Variants in DRD2 observed in about 807,000 individuals in gnomAD.
The protein encoded by DRD2 is dopamine receptor D2.
In DRD2, 8 loss-of-function variants were observed where a neutral mutation model predicts 38.0. That is an observed-to-expected ratio of 0.21 (90% CI 0.12 to 0.38). The LOEUF (loss-of-function observed/expected upper bound fraction) is 0.38. DRD2 is among the 10% of genes least tolerant of loss of function. The pLI is 1.00. For missense variants in DRD2, 403 were observed against 607.7 expected, an observed-to-expected ratio of 0.66 and a Z score of 3.54; for synonymous variants, 230 against 238.6, an observed-to-expected ratio of 0.96 and a Z score of 0.33.
At chr11:113,449,629 C>T (rs1565674138) in intron 1 of DRD2, among the ~76,000 whole-genome samples, 1 of 152,034 alleles carries the variant, frequency 6.6e-6, no homozygotes, top group African/African-American at 2.4e-5. Context: ...AGCAGAGTGA[C>T]GGCCATAACA....
At chr11:113,452,465 T>TGCGCGC (rs1160837850) in intron 1 of DRD2, among the ~76,000 whole-genome samples, 8 of 89,512 alleles carry the variant, frequency 8.9e-5, no homozygotes, top group African/African-American at 3.1e-4. Context: ...TGTGTGTGTG[T>TGCGCGC]GTGTGCGCGC....
intron 1 of DRD2, among the ~76,000 whole-genome samples, chr11:113,445,108 G>T (rs1333022404): frequency 6.6e-6 from 1 of 152,132 alleles, no homozygotes; most frequent in African/African-American, 2.4e-5. Flanking sequence ...CACCTGACCA[G>T]CACTCTTCAA....
At chr11:113,473,489 C>A (rs1951448278) in intron 1 of DRD2, among the ~76,000 whole-genome samples, 1 of 152,188 alleles carries the variant, frequency 6.6e-6, no homozygotes, top group Non-Finnish European at 1.5e-5. Flanking sequence ...CAAATCAGAA[C>A]CTCTCCACTT....
In DRD2 at chr11:113,431,267, T is replaced by C. The variant is rs1377509342; in HGVS notation, c.-31-6585A>G. 3.3e-5 allele frequency among the ~76,000 whole-genome samples: 5 copies of C among 152,318 alleles called. No individual in the cohort carries two copies. The East Asian group carries it at 9.6e-4, about 29-fold the overall frequency. On this transcript the variant is annotated intron_variant, in intron 1 of 7. Transcript: ENST00000362072. Reference sequence around the variant, plus strand: ...TAATCCTGTAGCTGCCAGGCCTCACTCCAGGGGTGGCTGCCTCTCCCCTAA... The same window carrying C: ...TAATCCTGTAGCTGCCAGGCCTCACCCCAGGGGTGGCTGCCTCTCCCCTAA...
chr11:113,426,829 T>C (rs1950945413), intron 1 of DRD2, among the ~76,000 whole-genome samples: 1 of 152,232 alleles, frequency 6.6e-6, no homozygotes, highest in Non-Finnish European at 1.5e-5. Context: ...TGCTGTATTC[T>C]GCAAAACCAA....
intron 1 of DRD2, among the ~76,000 whole-genome samples, chr11:113,452,506 T>G (rs1393602529): frequency 6.8e-6 from 1 of 147,360 alleles, no homozygotes; most frequent in Non-Finnish European, 1.5e-5. Context: ...GGACAGGAAA[T>G]GAGACACTGC....
In DRD2 at chr11:113,410,693, G is replaced by A; in HGVS notation, c.*34C>T. The A allele has an allele frequency of 6.2e-7, 1 of 1,613,456 alleles. No individual in the cohort carries two copies. Among genetic ancestry groups the A allele is most frequent in the Non-Finnish European group, 8.5e-7 (1 of 1,179,734 alleles). On this transcript the variant is annotated 3_prime_UTR_variant, in exon 8 of 8. Coordinates refer to ENST00000362072, the MANE Select transcript of DRD2 (RefSeq NM_000795.4). ...GGCTGGCCGGCCTGGGCAGGGAGGT[G>A]GGAAGCAGGCTGCTGTGCGGGCAGG...
chr11:113,421,666 C>T (rs1950885338), intron 2 of DRD2, among the ~76,000 whole-genome samples: 1 of 152,104 alleles, frequency 6.6e-6, no homozygotes, highest in Admixed American at 6.5e-5. Context: ...CAGATGTTGG[C>T]ATGGCATTGC....
At chr11:113,441,695 A>C (rs1053178492) in intron 1 of DRD2, among the ~76,000 whole-genome samples, 1 of 152,130 alleles carries the variant, frequency 6.6e-6, no homozygotes, top group Non-Finnish European at 1.5e-5. Context: ...CCAAGGATGG[A>C]AAAAGAAGCT....
At position 113,424,436 on chromosome 11, in the gene DRD2, C is replaced by G. The variant is rs749894030; in HGVS notation, c.216G>C (p.Leu72=). The G allele has an allele frequency of 6.2e-7, 1 of 1,614,230 alleles. No individual in the cohort carries two copies. Among genetic ancestry groups the G allele is most frequent in the Non-Finnish European group, 8.5e-7 (1 of 1,180,056 alleles). ...GGTCGGCCACTGCGAGGCTGACGAT[C>G]AGGTAGTTGGTGGTGGTCTGCAGCG... The part of the protein sequence containing the change: ...EKALQTTTNY[L]IVSLAVADLL... The change falls in exon 2 of 8, where the codon CTG becomes CTC. Residue 72 remains leucine (L), a synonymous_variant. Transcript: ENST00000362072.
At chr11:113,416,713 A>T (rs540320645) in intron 4 of DRD2, 150 bp downstream of exon 4, 2 of 1,183,900 alleles carry the variant, frequency 1.7e-6, no homozygotes, top group Non-Finnish European at 2.4e-6. Context: ...TTGGCCCAGG[A>T]CACGTAGCCT....
chr11:113,419,916 T>C (rs1950869838), intron 2 of DRD2, among the ~76,000 whole-genome samples: 1 of 152,152 alleles, frequency 6.6e-6, no homozygotes, highest in Admixed American at 6.5e-5. Flanking sequence ...TCCTGGGAGC[T>C]CACATGGGGG....
chr11:113,471,075 C>G (rs1264826576), intron 1 of DRD2, among the ~76,000 whole-genome samples: 1 of 152,164 alleles, frequency 6.6e-6, no homozygotes, highest in Non-Finnish European at 1.5e-5. Context: ...TCTCTGGACC[C>G]AAATCAAAGA....
At position 113,475,253 on chromosome 11, in the gene DRD2, G is replaced by C. The variant is rs1045949228; in HGVS notation, c.-209C>G. 1.3e-5 allele frequency: 2 copies of C among 149,044 alleles called. No homozygotes were observed. Among genetic ancestry groups the C allele is most frequent in the African/African-American group, 4.9e-5 (2 of 41,028 alleles). The allele number at this position is 149,044 out of a possible 1,614,324, so 9.2% of individuals were successfully genotyped here. A position where few individuals can be genotyped will look rare whatever the true frequency, so the allele number is the denominator to read the frequency against. On this transcript the variant is annotated 5_prime_UTR_variant, in exon 1 of 8. Transcript: ENST00000362072. Reference sequence around the variant, plus strand: ...TCAGAGCCCCGGCGGGCAGCAGCTCGGCCGGCTCTGGCCCGCGGGGAGCAG... The same window carrying C: ...TCAGAGCCCCGGCGGGCAGCAGCTCCGCCGGCTCTGGCCCGCGGGGAGCAG...
intron 1 of DRD2, among the ~76,000 whole-genome samples, chr11:113,425,618 G>C (rs1950934425): frequency 6.6e-6 from 1 of 151,946 alleles, no homozygotes; most frequent in Non-Finnish European, 1.5e-5. Context: ...GCCCAGAGTG[G>C]AAGCGGGACA....
rs960446416 is a variant in DRD2 at position 113,410,288 on chromosome 11, G to C, written c.*439C>G. 1 of 278,880 alleles carries C rather than the reference G, an allele frequency of 3.6e-6. No homozygotes were observed. The highest frequency in any genetic ancestry group is 4.6e-5 in the Admixed American group (1 of 21,564). 17.3% of individuals were successfully genotyped at this position (278,880 alleles called of 1,614,324 possible). ...CAAGAGAGCTTGCTTGCCTCCTGTG[G>C]GCCTTGCAGGGTGTGAACTGTCCAT... On this transcript the variant is annotated 3_prime_UTR_variant, in exon 8 of 8. Coordinates refer to ENST00000362072, the MANE Select transcript of DRD2 (RefSeq NM_000795.4).
chr11:113,423,221 G>A (rs117986094), intron 2 of DRD2, among the ~76,000 whole-genome samples: 38 of 152,312 alleles, frequency 2.5e-4, no homozygotes, highest in Non-Finnish European at 4.7e-4. Context: ...TGACCTGGGT[G>A]AAGAAAGGCA....
chr11:113,425,082 T>C (rs948461301), intron 1 of DRD2: 2 of 250,370 alleles, frequency 8.0e-6, no homozygotes, highest in East Asian at 2.0e-4. Flanking sequence ...TTATTAAGCA[T>C]TGTTCTATAT....
At chr11:113,460,520 G>A (rs965802379) in intron 1 of DRD2, among the ~76,000 whole-genome samples, 2 of 152,226 alleles carry the variant, frequency 1.3e-5, no homozygotes, top group African/African-American at 2.4e-5. Context: ...TCCTTTTCTA[G>A]ACAGAAGAAT....
Sources: gnomAD v4.1 joint callset for allele counts (sites outside exome capture counted in the v4.1 genomes callset) on GRCh38, gnomAD v4.1.1 for gene constraint, MANE v1.5 for transcripts, NCBI Gene and HGNC (gene_info 2026-07-23, HGNC 2026-07-21) for gene names.